PTPRD: variants seen among roughly 807,000 people sequenced by gnomAD.
PTPRD encodes receptor-type tyrosine-protein phosphatase delta.
Under a neutral mutation model 214.5 loss-of-function variants are expected in PTPRD, and 34 were observed. The ratio of observed to expected loss-of-function variants is 0.16; its 90% confidence interval spans 0.12 to 0.21. The LOEUF (loss-of-function observed/expected upper bound fraction) is 0.21, where lower values mean the gene tolerates loss of function less well. Ranked by LOEUF, PTPRD falls within the 10% of genes least tolerant of loss-of-function variation. PTPRD has a pLI of 1.00. For missense variants in PTPRD, 2,545 were observed against 2,398.7 expected (o/e 1.06, Z -1.27); for synonymous variants, 1,128 against 845.7 (o/e 1.33, Z -5.79).
chr9:9,813,705 C>G (rs2047881122), intron 5 of PTPRD, among the ~76,000 whole-genome samples: 1 of 152,052 alleles, frequency 6.6e-6, no homozygotes, highest in Non-Finnish European at 1.5e-5. Context: ...TGATTAAAAG[C>G]AGTCCTTTTC....
intron 8 of PTPRD, among the ~76,000 whole-genome samples, chr9:9,435,009 A>G (rs1269259196): frequency 1.3e-5 from 2 of 151,790 alleles, no homozygotes; most frequent in African/African-American, 2.4e-5. Context: ...TTAAAGACAA[A>G]GAGTATTTAA....
At chr9:10,540,015 T>A (rs1197208609) in intron 2 of PTPRD, among the ~76,000 whole-genome samples, 2 of 152,158 alleles carry the variant, frequency 1.3e-5, no homozygotes, top group East Asian at 1.9e-4. Context: ...TGGGGCAAAC[T>A]ATGTTTGTTG....
rs542961747 is a variant in PTPRD, at chr9:9,834,712, C to T, written c.-367-67861G>A. On this transcript the variant is annotated intron_variant, in intron 5 of 45. Transcript: ENST00000381196. The stretch of plus-strand genomic sequence containing the variant: ...CTCTAGGAAGGGTAAAACATTAGTA[C>T]AGCCACCTAAGATTTTAAAAACCTA... Among the ~76,000 whole-genome samples, 4 of 152,098 alleles carry T rather than the reference C, an allele frequency of 2.6e-5. No homozygotes were observed. The East Asian group carries it at 7.7e-4, about 29-fold the overall frequency.
chr9:9,094,560 T>C (rs1428936155), intron 10 of PTPRD, among the ~76,000 whole-genome samples: 1 of 152,030 alleles, frequency 6.6e-6, no homozygotes, highest in Non-Finnish European at 1.5e-5. Flanking sequence ...AAACACTACA[T>C]AGTGGGTACA....
chr9:9,935,765 G>T (rs566044033), intron 5 of PTPRD, among the ~76,000 whole-genome samples: 1 of 148,864 alleles, frequency 6.7e-6, no homozygotes. Flanking sequence ...AGCCCGCATT[G>T]CCAAGTCAAT....
intron 7 of PTPRD, among the ~76,000 whole-genome samples, chr9:9,733,835 G>T (rs1442826089): frequency 6.6e-6 from 1 of 152,094 alleles, no homozygotes; most frequent in East Asian, 1.9e-4. Context: ...GAACATAGTA[G>T]GATCCCAATG....
chr9:9,128,361 G>A (rs2099837323), intron 10 of PTPRD, among the ~76,000 whole-genome samples: 1 of 152,064 alleles, frequency 6.6e-6, no homozygotes, highest in Non-Finnish European at 1.5e-5. Context: ...ACATATACAT[G>A]CACATACTGT....
intron 5 of PTPRD, among the ~76,000 whole-genome samples, chr9:9,773,455 A>T (rs1376319548): frequency 6.6e-6 from 1 of 152,126 alleles, no homozygotes; most frequent in African/African-American, 2.4e-5. Flanking sequence ...ATCCAATTAA[A>T]ACTTCCCCTT....
intron 11 of PTPRD, among the ~76,000 whole-genome samples, chr9:8,939,990 G>T (rs1415627883): frequency 1.3e-5 from 2 of 150,370 alleles, no homozygotes; most frequent in African/African-American, 4.9e-5. Context: ...GAGTAGCAAG[G>T]AATAAAATTA....
intron 28 of PTPRD, chr9:8,485,525 C>T (rs574244312): frequency 1.6e-6 from 1 of 621,722 alleles, no homozygotes; most frequent in East Asian, 2.8e-5. Context: ...ATTCAGCCAA[C>T]TCTATTGTGT....
chr9:10,507,645 C>T (rs907005332), intron 2 of PTPRD, among the ~76,000 whole-genome samples: 1 of 152,034 alleles, frequency 6.6e-6, no homozygotes, highest in African/African-American at 2.4e-5. Context: ...AATAATATCA[C>T]ACATCTACAA....
At chr9:9,163,538 T>C (rs1334866753) in intron 10 of PTPRD, among the ~76,000 whole-genome samples, 1 of 152,132 alleles carries the variant, frequency 6.6e-6, no homozygotes, top group Non-Finnish European at 1.5e-5. Context: ...GTATTTTTTC[T>C]CCTCATTGGT....
intron 3 of PTPRD, among the ~76,000 whole-genome samples, chr9:10,164,733 T>C (rs1419488534): frequency 6.6e-6 from 1 of 151,604 alleles, no homozygotes. Flanking sequence ...TTTATTCAAA[T>C]ATATATACAC....
intron 3 of PTPRD, among the ~76,000 whole-genome samples, chr9:10,129,337 T>G (rs1251258327): frequency 6.6e-6 from 1 of 152,126 alleles, no homozygotes; most frequent in African/African-American, 2.4e-5. Context: ...CAAAATTTGT[T>G]TAGTGTCCTT....
At chr9:9,668,820 A>G (rs1312848433) in intron 7 of PTPRD, among the ~76,000 whole-genome samples, 1 of 152,044 alleles carries the variant, frequency 6.6e-6, no homozygotes, top group Non-Finnish European at 1.5e-5. Context: ...AACTGTCTTA[A>G]TTTTCTCCTG....
intron 7 of PTPRD, among the ~76,000 whole-genome samples, chr9:9,667,282 T>G (rs567900852): frequency 6.6e-6 from 1 of 152,032 alleles, no homozygotes; most frequent in South Asian, 2.1e-4. Context: ...CAAATTCTAT[T>G]ATTTCCCCAA....
chr9:8,616,199 A>T (rs1312151508), intron 14 of PTPRD, among the ~76,000 whole-genome samples: 1 of 152,148 alleles, frequency 6.6e-6, no homozygotes, highest in Non-Finnish European at 1.5e-5. Context: ...GTACTGGACC[A>T]TCAGTACAAA....
chr9:10,463,811 G>C (rs2098975239), intron 2 of PTPRD, among the ~76,000 whole-genome samples: 1 of 151,780 alleles, frequency 6.6e-6, no homozygotes, highest in South Asian at 2.1e-4. Context: ...CTTTACCCAA[G>C]CAAGTTGTAA....
At chr9:9,251,310 G>A (rs2099975394) in intron 9 of PTPRD, among the ~76,000 whole-genome samples, 2 of 151,984 alleles carry the variant, frequency 1.3e-5, no homozygotes, top group African/African-American at 4.8e-5. Flanking sequence ...ATTATGAACA[G>A]GATAAAGTTC....
Sources: allele counts gnomAD v4.1 joint callset (sites outside exome capture counted in the v4.1 genomes callset), GRCh38; gene constraint gnomAD v4.1.1; transcripts MANE v1.5; gene names NCBI Gene and HGNC (gene_info 2026-07-23, HGNC 2026-07-21).